CNTN4: variants seen among roughly 807,000 people sequenced by gnomAD.
CNTN4 encodes the protein contactin 4.
Under a neutral mutation model 122.5 loss-of-function variants are expected in CNTN4, and 77 were observed. That is an observed-to-expected ratio of 0.63 (90% CI 0.52 to 0.76). CNTN4 has a LOEUF of 0.76. CNTN4 is among the 30% of genes least tolerant of loss of function. The pLI, the probability that CNTN4 is intolerant of heterozygous loss-of-function variation, is 0.00. For synonymous variants in CNTN4, 512 were observed against 447.0 expected (o/e 1.15, Z -1.83); for missense variants, 1,256 against 1,259.1 (o/e 1.00, Z 0.04).
intron 23 of CNTN4, among the ~76,000 whole-genome samples, chr3:3,050,229 A>T (rs1701115444): frequency 6.6e-6 from 1 of 152,170 alleles, no homozygotes; most frequent in Non-Finnish European, 1.5e-5. Context: ...CCAGTTTTTC[A>T]GTAGAACCCA....
At chr3:2,140,835 T>C (rs999533621) in intron 2 of CNTN4, among the ~76,000 whole-genome samples, 2 of 152,218 alleles carry the variant, frequency 1.3e-5, no homozygotes, top group African/African-American at 4.8e-5. Context: ...CTTGTTCATG[T>C]GATCTCTACT....
At chr3:2,403,548 A>G (rs1462768288) in intron 3 of CNTN4, among the ~76,000 whole-genome samples, 1 of 152,180 alleles carries the variant, frequency 6.6e-6, no homozygotes, top group African/African-American at 2.4e-5. Context: ...GAATATGCAT[A>G]CCATAAGATA....
intron 14 of CNTN4, among the ~76,000 whole-genome samples, chr3:3,010,831 G>C (rs1410407377): frequency 1.3e-5 from 2 of 152,116 alleles, no homozygotes; most frequent in Non-Finnish European, 2.9e-5. Flanking sequence ...CAGGGATTGG[G>C]TGTGAGTGAC....
chr3:2,707,123 A>C (rs2086787993), intron 4 of CNTN4, among the ~76,000 whole-genome samples: 1 of 151,752 alleles, frequency 6.6e-6, no homozygotes, highest in Non-Finnish European at 1.5e-5. Flanking sequence ...GACATGGTGA[A>C]ACTCCATCTC....
rs973879558 is a variant in CNTN4, at chr3:2,289,989, G to A, written c.-144-49189G>A. On this transcript the variant is annotated intron_variant, in intron 2 of 24. Coordinates refer to ENST00000418658, the MANE Select transcript of CNTN4 (RefSeq NM_175607.3). ...CATTATTAGTATTTAGTATTTTTTA[G>A]ATTAAAATTCCCATCTTAGGGTGTA... Among the ~76,000 whole-genome samples the A allele has an allele frequency of 5.3e-5, 8 of 152,136 alleles. No individual in the cohort carries two copies. The South Asian group carries it at 1.7e-3, about 32-fold the overall frequency.
chr3:2,224,109 T>C (rs954596994), intron 2 of CNTN4, among the ~76,000 whole-genome samples: 1 of 152,232 alleles, frequency 6.6e-6, no homozygotes, highest in Non-Finnish European at 1.5e-5. Context: ...CTTTTATAGA[T>C]TTAAGTTTCT....
intron 2 of CNTN4, among the ~76,000 whole-genome samples, chr3:2,151,777 C>T (rs781195864): frequency 6.6e-6 from 1 of 152,174 alleles, no homozygotes; most frequent in Non-Finnish European, 1.5e-5. Flanking sequence ...AGCTAGGACA[C>T]TCAGTCATGT....
chr3:2,261,541 C>T (rs1234681341), intron 2 of CNTN4, among the ~76,000 whole-genome samples: 1 of 152,094 alleles, frequency 6.6e-6, no homozygotes, highest in Non-Finnish European at 1.5e-5. Context: ...ATGTTAATAA[C>T]TTTCTACTAT....
At chr3:2,631,307 C>T (rs1437164031) in intron 4 of CNTN4, among the ~76,000 whole-genome samples, 1 of 152,126 alleles carries the variant, frequency 6.6e-6, no homozygotes, top group Non-Finnish European at 1.5e-5. Flanking sequence ...TAGCCATATG[C>T]AGTTAACAGA....
At chr3:2,751,707 G>A (rs2090101974) in intron 6 of CNTN4, among the ~76,000 whole-genome samples, 1 of 151,918 alleles carries the variant, frequency 6.6e-6, no homozygotes, top group Non-Finnish European at 1.5e-5. Context: ...CAGCATCCCG[G>A]TCTAAATCTG....
intron 2 of CNTN4, among the ~76,000 whole-genome samples, chr3:2,208,329 G>A (rs1218923988): frequency 7.9e-5 from 12 of 152,112 alleles, no homozygotes; most frequent in Admixed American, 7.9e-4. Context: ...TTTCAGTGCA[G>A]GAAGTTAACT....
chr3:2,947,045 G>C (rs74362962), intron 13 of CNTN4, among the ~76,000 whole-genome samples: 4,417 of 152,238 alleles, frequency 0.029, 227 homozygotes, highest in African/African-American at 0.1. Context: ...CCAGAGCTAA[G>C]AAGAGTTATC....
At chr3:2,763,137 G>T (rs1169662009) in intron 6 of CNTN4, among the ~76,000 whole-genome samples, 1 of 151,812 alleles carries the variant, frequency 6.6e-6, no homozygotes, top group Non-Finnish European at 1.5e-5. Context: ...AGTAGAGACG[G>T]GGTTTCACCA....
Position 2,988,353 on chromosome 3 carries a change from T to C in CNTN4, c.1367T>C (p.Ile456Thr). Residue 456 changes from isoleucine (I) to threonine (T), a missense_variant, in exon 14 of 25, where the codon ATT becomes ACT. Transcript: ENST00000418658. ...ATTTACTTTGATTTCAGAATTACCA[T>C]TTCTGAAGATGGAAACCTCAGAATC... ...DILKENERIT[I>T]SEDGNLRIIN... 1.2e-6 allele frequency: 2 copies of C among 1,613,642 alleles called. No individual in the cohort carries two copies. Among genetic ancestry groups the C allele is most frequent in the Non-Finnish European group, 1.7e-6 (2 of 1,179,686 alleles).
chr3:2,480,348 T>G (rs2075956830), intron 3 of CNTN4, among the ~76,000 whole-genome samples: 1 of 152,168 alleles, frequency 6.6e-6, no homozygotes, highest in Non-Finnish European at 1.5e-5. Context: ...ATGACATGAC[T>G]ACCTATGTAG....
chr3:3,040,297 T>A (rs1317975174), intron 20 of CNTN4, 26 bp downstream of exon 20: 1 of 1,490,972 alleles, frequency 6.7e-7, no homozygotes, highest in East Asian at 2.3e-5. Flanking sequence ...CCTAGATCAT[T>A]GACTGTTAAT....
intron 2 of CNTN4, among the ~76,000 whole-genome samples, chr3:2,167,849 A>G (rs965407914): frequency 2.0e-5 from 3 of 152,182 alleles, no homozygotes; most frequent in Non-Finnish European, 2.9e-5. Context: ...TTTGAATATT[A>G]CAGTTCAGTT....
intron 6 of CNTN4, among the ~76,000 whole-genome samples, chr3:2,776,121 A>G (rs79296356): frequency 0.01 from 1,548 of 152,310 alleles, 31 homozygotes; most frequent in African/African-American, 0.035. Flanking sequence ...AGAAGGACAC[A>G]GACTCTAAAA....
At chr3:2,681,903 A>C (rs541731217) in intron 4 of CNTN4, among the ~76,000 whole-genome samples, 1 of 152,100 alleles carries the variant, frequency 6.6e-6, no homozygotes, top group African/African-American at 2.4e-5. Context: ...AATGACTTAC[A>C]TTTTGGAAAA....
Sources: allele counts gnomAD v4.1 joint callset (sites outside exome capture counted in the v4.1 genomes callset), GRCh38; gene constraint gnomAD v4.1.1; transcripts MANE v1.5; gene names NCBI Gene and HGNC (gene_info 2026-07-23, HGNC 2026-07-21).